HAO1: variants seen among roughly 807,000 people sequenced by gnomAD.
The protein encoded by HAO1 is 2-Hydroxyacid oxidase 1.
A neutral mutation model predicts 39.7 loss-of-function variants in HAO1; 34 were observed. That is an observed-to-expected ratio of 0.86 (90% CI 0.65 to 1.14). The LOEUF (loss-of-function observed/expected upper bound fraction) is 1.14. Ranked by LOEUF, HAO1 falls within the 50% of genes most tolerant of loss-of-function variation. The pLI, the probability that HAO1 is intolerant of heterozygous loss-of-function variation, is 0.00. For synonymous variants in HAO1, 172 were observed against 173.2 expected (o/e 0.99, Z 0.05); for missense variants, 479 against 464.5 (o/e 1.03, Z -0.29).
At chr20:7,908,707 G>A (rs6055388) in intron 3 of HAO1, among the ~76,000 whole-genome samples, 2,187 of 152,256 alleles carry the variant, frequency 0.014, 58 homozygotes, top group African/African-American at 0.05. Flanking sequence ...TCATATGGAT[G>A]CCCATCTAGT....
chr20:7,940,226 T>C, intron 1 of HAO1, 60 bp downstream of exon 1: 1 of 1,384,568 alleles, frequency 7.2e-7, no homozygotes, highest in South Asian at 1.3e-5. Flanking sequence ...TAGGAGATCT[T>C]ATTTTGGTAC....
At chr20:7,915,241 AAC>A (rs1404953768) in intron 2 of HAO1, among the ~76,000 whole-genome samples, 2 of 152,214 alleles carry the variant, frequency 1.3e-5, no homozygotes, top group Non-Finnish European at 1.5e-5. Flanking sequence ...AGATGAGATT[AAC>A]ATTTTAATTA....
chr20:7,883,528 G>A lies in HAO1; in HGVS notation c.*65C>T, dbSNP rs1180341465. ...ACAGACTGTGGTCACCCTCTGCACAGTGTCTCTTTGTCAAGTAATACATGC... is the reference window on the plus strand; with the variant it reads ...ACAGACTGTGGTCACCCTCTGCACAATGTCTCTTTGTCAAGTAATACATGC... On this transcript the variant is annotated 3_prime_UTR_variant, in exon 8 of 8. Transcript: ENST00000378789. 8.5e-7 allele frequency: 1 copy of A among 1,178,502 alleles called. No individual in the cohort carries two copies. The allele number at this position is 1,178,502 out of a possible 1,614,324, so 73.0% of individuals were successfully genotyped here. A position where few individuals can be genotyped will look rare whatever the true frequency, so the allele number is the denominator to read the frequency against.
At chr20:7,915,493 GC>G (rs1459624198) in intron 2 of HAO1, among the ~76,000 whole-genome samples, 1 of 152,144 alleles carries the variant, frequency 6.6e-6, no homozygotes, top group Non-Finnish European at 1.5e-5. Flanking sequence ...CTGGTAGCTT[GC>G]CCACCTACTC....
At chr20:7,892,154 C>A (rs2050176985) in intron 5 of HAO1, among the ~76,000 whole-genome samples, 2 of 152,132 alleles carry the variant, frequency 1.3e-5, no homozygotes, top group Admixed American at 1.3e-4. Context: ...GCATGGATCT[C>A]GGCTCACTGC....
At chr20:7,932,486 G>A (rs760351731) in intron 2 of HAO1, among the ~76,000 whole-genome samples, 2 of 152,030 alleles carry the variant, frequency 1.3e-5, no homozygotes, top group Non-Finnish European at 2.9e-5. Flanking sequence ...ATAATTCAAA[G>A]AAGAGTTTAT....
chr20:7,924,218 T>C (rs2050348627), intron 2 of HAO1, among the ~76,000 whole-genome samples: 1 of 151,136 alleles, frequency 6.6e-6, no homozygotes, highest in South Asian at 2.1e-4. Context: ...GTTGTTGTTG[T>C]TGTTGTTGTT....
intron 2 of HAO1, among the ~76,000 whole-genome samples, chr20:7,933,978 T>C (rs1342688773): frequency 1.3e-5 from 2 of 152,144 alleles, no homozygotes; most frequent in African/African-American, 4.8e-5. Flanking sequence ...ACCACGTTGC[T>C]CCATTTGCAA....
At chr20:7,921,003 A>G (rs193211405) in intron 2 of HAO1, among the ~76,000 whole-genome samples, 1 of 152,218 alleles carries the variant, frequency 6.6e-6, no homozygotes, top group African/African-American at 2.4e-5. Flanking sequence ...TCAAGAGACA[A>G]CACAGGTATT....
chr20:7,900,882 T>C (rs1045213284), intron 4 of HAO1, among the ~76,000 whole-genome samples: 1 of 152,180 alleles, frequency 6.6e-6, no homozygotes, highest in Non-Finnish European at 1.5e-5. Context: ...AAGTTGTGAA[T>C]GCAAACAAAA....
intron 4 of HAO1, among the ~76,000 whole-genome samples, chr20:7,898,508 G>T (rs1352552332): frequency 6.6e-6 from 1 of 152,082 alleles, no homozygotes; most frequent in East Asian, 1.9e-4. Context: ...TATGTACTCA[G>T]TCCATCATTT....
chr20:7,890,985 G>A (rs1050638566), intron 5 of HAO1, among the ~76,000 whole-genome samples: 4 of 152,046 alleles, frequency 2.6e-5, no homozygotes, highest in Admixed American at 6.5e-5. Context: ...CTTTGTAATC[G>A]TGAACTGTGC....
chr20:7,937,865 A>AT (rs1285261288), intron 1 of HAO1, among the ~76,000 whole-genome samples: 8 of 152,056 alleles, frequency 5.3e-5, no homozygotes, highest in African/African-American at 1.2e-4. Flanking sequence ...CCTTTTAAAC[A>AT]TTTTTTTCTA....
intron 3 of HAO1, among the ~76,000 whole-genome samples, chr20:7,910,409 A>G (rs1038152571): frequency 6.6e-6 from 1 of 152,210 alleles, no homozygotes; most frequent in African/African-American, 2.4e-5. Flanking sequence ...TGAAGGTATT[A>G]TATTACAGTT....
intron 4 of HAO1, among the ~76,000 whole-genome samples, chr20:7,902,824 G>A (rs1183742658): frequency 1.3e-5 from 2 of 152,198 alleles, no homozygotes; most frequent in Admixed American, 6.5e-5. Flanking sequence ...CATGTTAGGA[G>A]CTTGCGTTGA....
intron 2 of HAO1, among the ~76,000 whole-genome samples, chr20:7,920,147 T>C (rs2050324297): frequency 6.6e-6 from 1 of 151,934 alleles, no homozygotes; most frequent in African/African-American, 2.4e-5. Flanking sequence ...ATTTCCTCCA[T>C]GCTGTTTTCA....
At chr20:7,934,718 A>G in intron 1 of HAO1, 83 bp from the exon 2 acceptor site, 1 of 798,252 alleles carries the variant, frequency 1.3e-6, no homozygotes. Context: ...TTTTAGTTAA[A>G]AGAAAAAATA....
chr20:7,902,911 A>G (rs772358114), intron 4 of HAO1, among the ~76,000 whole-genome samples: 2 of 152,224 alleles, frequency 1.3e-5, no homozygotes, highest in African/African-American at 2.4e-5. Context: ...TTAAAATACA[A>G]TTATTAAAAT....
chr20:7,933,687 C>T (rs970455232), intron 2 of HAO1, among the ~76,000 whole-genome samples: 1 of 152,186 alleles, frequency 6.6e-6, no homozygotes, highest in Non-Finnish European at 1.5e-5. Context: ...TAGTCGTGTT[C>T]TTTTTCTGCT....
Sources: gnomAD v4.1 joint callset for allele counts (sites outside exome capture counted in the v4.1 genomes callset) on GRCh38, gnomAD v4.1.1 for gene constraint, MANE v1.5 for transcripts, NCBI Gene and HGNC (gene_info 2026-07-23, HGNC 2026-07-21) for gene names.